PRKG1: variants seen among roughly 807,000 people sequenced by gnomAD.
PRKG1 encodes cGMP-dependent protein kinase 1.
A neutral mutation model predicts 88.1 loss-of-function variants in PRKG1; 35 were observed. That is an observed-to-expected ratio of 0.40 (90% CI 0.30 to 0.53). The LOEUF (loss-of-function observed/expected upper bound fraction) is 0.53, where lower values mean the gene tolerates loss of function less well. PRKG1 is among the 20% of genes least tolerant of loss of function. The probability of loss-of-function intolerance (pLI) is 0.59; values close to 1 mark genes in which losing one functional copy is unlikely to be tolerated. For missense variants in PRKG1, 540 were observed against 839.8 expected (o/e 0.64, Z 4.41); for synonymous variants, 303 against 292.5 (o/e 1.04, Z -0.37).
At position 52,280,888 on chromosome 10, in the gene PRKG1, G is replaced by A. The variant is rs758590628; in HGVS notation, c.1503G>A (p.Lys501=). ...HSKGIIYRDL[K]PENLILDHRG... Reference sequence around the variant, plus strand: ...AAGGAATCATTTACAGGGACCTCAAGCCAGAAAATCTCATCCTAGATCACC... The same window carrying A: ...AAGGAATCATTTACAGGGACCTCAAACCAGAAAATCTCATCCTAGATCACC... The change falls in exon 13 of 18, where the codon AAG becomes AAA. Residue 501 remains lysine (K), a synonymous_variant. Coordinates refer to ENST00000373980, the MANE Select transcript of PRKG1 (RefSeq NM_006258.4). 1.2e-6 allele frequency: 2 copies of A among 1,613,386 alleles called. No individual in the cohort carries two copies. Among genetic ancestry groups the A allele is most frequent in the Non-Finnish European group, 1.7e-6 (2 of 1,179,676 alleles).
chr10:51,124,115 C>T (rs775193261), intron 1 of PRKG1, among the ~76,000 whole-genome samples: 3 of 152,048 alleles, frequency 2.0e-5, no homozygotes, highest in Non-Finnish European at 4.4e-5. Flanking sequence ...TCTTTTCATC[C>T]GCATTCCTCA....
At chr10:52,167,145 C>T (rs1340173103) in intron 9 of PRKG1, among the ~76,000 whole-genome samples, 1 of 152,010 alleles carries the variant, frequency 6.6e-6, no homozygotes, top group Non-Finnish European at 1.5e-5. Context: ...ACAGGCTGTA[C>T]AGGAAGCATA....
At chr10:51,624,117 T>C (rs529363828) in intron 3 of PRKG1, among the ~76,000 whole-genome samples, 2 of 152,170 alleles carry the variant, frequency 1.3e-5, no homozygotes, top group African/African-American at 2.4e-5. Context: ...CTTTGATTCA[T>C]ATGTTAGAGA....
intron 5 of PRKG1, among the ~76,000 whole-genome samples, chr10:51,994,921 T>G (rs1186221505): frequency 1.3e-5 from 2 of 152,202 alleles, no homozygotes. Context: ...TCACTCTACA[T>G]TTCCACAGTT....
chr10:51,894,401 G>A (rs1789100392), intron 4 of PRKG1, among the ~76,000 whole-genome samples: 1 of 152,104 alleles, frequency 6.6e-6, no homozygotes, highest in South Asian at 2.1e-4. Flanking sequence ...GGTTGACAGG[G>A]GCTAGTTATT....
intron 5 of PRKG1, among the ~76,000 whole-genome samples, chr10:52,014,459 G>A (rs1426463692): frequency 6.6e-6 from 1 of 152,140 alleles, no homozygotes; most frequent in African/African-American, 2.4e-5. Flanking sequence ...ATCAGGTCTT[G>A]TCCTCAACAC....
chr10:51,570,350 C>A (rs1837720624), intron 3 of PRKG1, among the ~76,000 whole-genome samples: 1 of 151,606 alleles, frequency 6.6e-6, no homozygotes, highest in East Asian at 2.0e-4. Context: ...TGTATTCTTA[C>A]AATAAATTAA....
intron 3 of PRKG1, among the ~76,000 whole-genome samples, chr10:51,636,791 T>C (rs919627365): frequency 1.3e-5 from 2 of 152,234 alleles, no homozygotes; most frequent in African/African-American, 2.4e-5. Flanking sequence ...AATTTCCTTT[T>C]CTTTTATTTT....
intron 3 of PRKG1, among the ~76,000 whole-genome samples, chr10:51,721,127 C>T (rs1842001585): frequency 6.9e-6 from 1 of 145,118 alleles, no homozygotes; most frequent in East Asian, 2.0e-4. Context: ...GTGAGATGAT[C>T]TCCTGAGCTA....
chr10:51,697,102 CAT>C (rs1491369496), intron 3 of PRKG1: 1 of 152,128 alleles, frequency 6.6e-6, no homozygotes, highest in Non-Finnish European at 1.5e-5. Flanking sequence ...TTTCAGGTAA[CAT>C]AACTTTAGAA....
intron 2 of PRKG1, among the ~76,000 whole-genome samples, chr10:51,233,784 G>A (rs1042715805): frequency 6.6e-6 from 1 of 152,084 alleles, no homozygotes; most frequent in African/African-American, 2.4e-5. Flanking sequence ...AGATTTTGCT[G>A]TCTAACAAAA....
intron 3 of PRKG1, among the ~76,000 whole-genome samples, chr10:51,657,049 T>G (rs1288736291): frequency 6.6e-6 from 1 of 152,170 alleles, no homozygotes; most frequent in Non-Finnish European, 1.5e-5. Flanking sequence ...ATTGTGATAA[T>G]AAAATGGATT....
At chr10:51,738,668 C>T (rs1837354346) in intron 3 of PRKG1, among the ~76,000 whole-genome samples, 2 of 144,580 alleles carry the variant, frequency 1.4e-5, no homozygotes, top group Middle Eastern at 3.4e-3. Flanking sequence ...CTAATTTCAC[C>T]TTGATCTTCA....
intron 5 of PRKG1, among the ~76,000 whole-genome samples, chr10:51,963,771 G>A (rs1276746331): frequency 6.6e-6 from 1 of 151,996 alleles, no homozygotes; most frequent in Non-Finnish European, 1.5e-5. Context: ...GTTTCCTTGT[G>A]CACATAAGAA....
At chr10:51,558,463 A>G (rs892969117) in intron 3 of PRKG1, among the ~76,000 whole-genome samples, 3 of 152,092 alleles carry the variant, frequency 2.0e-5, no homozygotes, top group African/African-American at 7.2e-5. Flanking sequence ...TTATATCTAC[A>G]CTATTCCCAG....
At chr10:51,297,521 C>A (rs1840751649) in intron 2 of PRKG1, among the ~76,000 whole-genome samples, 1 of 152,086 alleles carries the variant, frequency 6.6e-6, no homozygotes, top group East Asian at 1.9e-4. Context: ...TTGACAACAC[C>A]TCTTAAAAGA....
chr10:51,085,162 T>A lies in PRKG1; in HGVS notation c.311+10261T>A, dbSNP rs1030608150. ...TGGGTTGGTCATAAGCTACCATGCC[T>A]ACAGGTGGCTGGCAAACATGCTGTA... On this transcript the variant is annotated intron_variant, in intron 1 of 17. Coordinates refer to ENST00000373980, the MANE Select transcript of PRKG1 (RefSeq NM_006258.4). Among the ~76,000 whole-genome samples, 4 of 152,340 alleles carry A rather than the reference T, an allele frequency of 2.6e-5. No homozygotes were observed. The East Asian group carries it at 7.7e-4, about 29-fold the overall frequency.
intron 7 of PRKG1, among the ~76,000 whole-genome samples, chr10:52,090,035 G>A (rs1378286262): frequency 3.9e-5 from 6 of 151,912 alleles, no homozygotes; most frequent in East Asian, 1.9e-4. Flanking sequence ...GGATGGTCTC[G>A]ATCTCTTGAC....
At chr10:51,052,876 C>T (rs1265488783) in intron 1 of PRKG1, among the ~76,000 whole-genome samples, 1 of 152,178 alleles carries the variant, frequency 6.6e-6, no homozygotes, top group African/African-American at 2.4e-5. Context: ...ATCAGATTGA[C>T]AGCGCATAGT....
Sources: allele counts gnomAD v4.1 joint callset (sites outside exome capture counted in the v4.1 genomes callset), GRCh38; gene constraint gnomAD v4.1.1; transcripts MANE v1.5; gene names NCBI Gene and HGNC (gene_info 2026-07-23, HGNC 2026-07-21).